The following RALGPS1 variants were observed in gnomAD, a reference collection of about 807,000 sequenced individuals.
The protein encoded by RALGPS1 is Ral GEF with PH domain and SH3 binding motif 1, also known as ras-specific guanine nucleotide-releasing factor RalGPS1.
Under a neutral mutation model 78.8 loss-of-function variants are expected in RALGPS1, and 19 were observed. That is an observed-to-expected ratio of 0.24 (90% CI 0.17 to 0.35). RALGPS1 has a LOEUF of 0.35. Ranked by LOEUF, RALGPS1 falls within the 10% of genes least tolerant of loss-of-function variation. The pLI, the probability that RALGPS1 is intolerant of heterozygous loss-of-function variation, is 1.00. For missense variants in RALGPS1, 454 were observed against 688.3 expected, an observed-to-expected ratio of 0.66 and a Z score of 3.81; for synonymous variants, 228 against 256.3, an observed-to-expected ratio of 0.89 and a Z score of 1.06.
chr9:127,041,311 C>T (rs569389428), intron 5 of RALGPS1, among the ~76,000 whole-genome samples: 1 of 152,038 alleles, frequency 6.6e-6, no homozygotes, highest in Admixed American at 6.5e-5. Flanking sequence ...AGGTTGGTCT[C>T]GAACTCCTGA....
chr9:127,032,211 A>G (rs2046489492), intron 4 of RALGPS1, among the ~76,000 whole-genome samples: 2 of 152,214 alleles, frequency 1.3e-5, no homozygotes, highest in Non-Finnish European at 2.9e-5. Flanking sequence ...ATGAGAAACT[A>G]GAAGTTCTGA....
At chr9:127,020,086 G>A (rs548494105) in intron 4 of RALGPS1, among the ~76,000 whole-genome samples, 12 of 151,908 alleles carry the variant, frequency 7.9e-5, no homozygotes, top group Admixed American at 5.9e-4. Context: ...TTAAGTTTGG[G>A]GATTTTTTTT....
At chr9:127,024,431 TC>T (rs1183889785) in intron 4 of RALGPS1, among the ~76,000 whole-genome samples, 1 of 150,518 alleles carries the variant, frequency 6.6e-6, no homozygotes, top group African/African-American at 2.4e-5. Flanking sequence ...ACCGCTCACT[TC>T]CTATGCTTTC....
At chr9:127,088,839 C>G in intron 8 of RALGPS1, 3 of 1,387,626 alleles carry the variant, frequency 2.2e-6, no homozygotes, top group Non-Finnish European at 3.0e-6. Context: ...TCCTCCCAGC[C>G]TCAGGATGAA....
chr9:127,054,996 T>TGA (rs10555826), intron 7 of RALGPS1, among the ~76,000 whole-genome samples: 4,040 of 138,918 alleles, frequency 0.029, 79 homozygotes, highest in Middle Eastern at 0.076. Context: ...AGAGATTGAT[T>TGA]GAGAGAGAGA....
intron 4 of RALGPS1, among the ~76,000 whole-genome samples, chr9:126,995,540 A>T (rs921735370): frequency 3.3e-5 from 5 of 152,244 alleles, no homozygotes; most frequent in Non-Finnish European, 7.3e-5. Flanking sequence ...GCACGTCCTT[A>T]GTGACCTACA....
At chr9:126,991,744 C>A (rs967012101) in intron 4 of RALGPS1, among the ~76,000 whole-genome samples, 3 of 152,152 alleles carry the variant, frequency 2.0e-5, no homozygotes, top group African/African-American at 7.2e-5. Context: ...GGAAATGATA[C>A]CCATCTCATA....
At chr9:127,216,666 A>T (rs960206456) in intron 18 of RALGPS1, among the ~76,000 whole-genome samples, 8 of 152,230 alleles carry the variant, frequency 5.3e-5, no homozygotes, top group African/African-American at 1.9e-4. Flanking sequence ...AATAAATGTA[A>T]TTGGCCATCC....
chr9:127,068,088 G>A (rs1311760266), intron 7 of RALGPS1, among the ~76,000 whole-genome samples: 2 of 152,290 alleles, frequency 1.3e-5, no homozygotes, highest in Non-Finnish European at 2.9e-5. Context: ...CAGTCACAAA[G>A]GATTTGCTTC....
intron 7 of RALGPS1, among the ~76,000 whole-genome samples, chr9:127,068,276 G>A (rs1207908462): frequency 6.6e-6 from 1 of 152,204 alleles, no homozygotes; most frequent in African/African-American, 2.4e-5. Flanking sequence ...TTCGAGTGGT[G>A]GCTTGGCTTT....
At chr9:126,978,818 C>A (rs1055327983) in intron 4 of RALGPS1, among the ~76,000 whole-genome samples, 1 of 152,162 alleles carries the variant, frequency 6.6e-6, no homozygotes, top group African/African-American at 2.4e-5. Flanking sequence ...CCCACGTTTA[C>A]ATGATCTTTA....
At chr9:126,924,988 A>T (rs940498067) in intron 1 of RALGPS1, among the ~76,000 whole-genome samples, 1 of 152,168 alleles carries the variant, frequency 6.6e-6, no homozygotes, top group African/African-American at 2.4e-5. Context: ...TTAGCTGGGC[A>T]TGGTGGCACA....
intron 4 of RALGPS1, among the ~76,000 whole-genome samples, chr9:127,029,696 C>T (rs2046254833): frequency 6.6e-6 from 1 of 152,252 alleles, no homozygotes; most frequent in South Asian, 2.1e-4. Context: ...CGCCAGCTTC[C>T]TGTGGCCCGA....
intron 1 of RALGPS1, among the ~76,000 whole-genome samples, chr9:126,921,322 T>C (rs1320012132): frequency 4.6e-5 from 7 of 152,202 alleles, no homozygotes; most frequent in Non-Finnish European, 1.0e-4. Flanking sequence ...GCTATAGGCT[T>C]GTCTGTAAGT....
At chr9:127,041,952 A>T (rs2047357520) in intron 5 of RALGPS1, among the ~76,000 whole-genome samples, 1 of 152,214 alleles carries the variant, frequency 6.6e-6, no homozygotes, top group Non-Finnish European at 1.5e-5. Flanking sequence ...GTAGAACACC[A>T]TGCAGCTGTC....
intron 11 of RALGPS1, among the ~76,000 whole-genome samples, chr9:127,176,477 C>T (rs1020491381): frequency 6.6e-6 from 1 of 152,214 alleles, no homozygotes. Context: ...TTAAGAGCTA[C>T]AGAAGGAATG....
At chr9:126,934,435 G>A (rs368770503) in intron 1 of RALGPS1, among the ~76,000 whole-genome samples, 2 of 152,306 alleles carry the variant, frequency 1.3e-5, no homozygotes, top group East Asian at 3.9e-4. Context: ...TTGAGTAGGC[G>A]GTCATGCCGT....
intron 8 of RALGPS1, among the ~76,000 whole-genome samples, chr9:127,159,984 A>T (rs1350269684): frequency 6.6e-6 from 1 of 152,194 alleles, no homozygotes. Context: ...TATGCTGTAG[A>T]GGGTTTTTTT....
chr9:126,914,856 G>GCCTGGCCCGGC lies in RALGPS1; in HGVS notation c.-182_-172dup, dbSNP rs2033938660. ...CCGCGTCTGCCCGCGCTCCAGCTGCGCCTGGCCCGGCCCCGGCCCGGCTCG... is the reference window on the plus strand; with the variant it reads ...CCGCGTCTGCCCGCGCTCCAGCTGCGCCTGGCCCGGCCCTGGCCCGGCCCCGGCCCGGCTCG... On this transcript the variant is annotated 5_prime_UTR_variant, in exon 1 of 19. Transcript: ENST00000259351. The GCCTGGCCCGGC allele has an allele frequency of 6.6e-6, 1 of 152,230 alleles. No individual in the cohort carries two copies. Among genetic ancestry groups the GCCTGGCCCGGC allele is most frequent in the Admixed American group, 6.6e-5 (1 of 15,254 alleles). The allele number at this position is 152,230 out of a possible 1,614,324, so 9.4% of individuals were successfully genotyped here. A position where few individuals can be genotyped will look rare whatever the true frequency, so the allele number is the denominator to read the frequency against.
Sources: allele counts gnomAD v4.1 joint callset (sites outside exome capture counted in the v4.1 genomes callset), GRCh38; gene constraint gnomAD v4.1.1; transcripts MANE v1.5; gene names NCBI Gene and HGNC (gene_info 2026-07-23, HGNC 2026-07-21).